The following PCDH15 variants were observed in gnomAD, a reference collection of about 807,000 sequenced individuals.
The protein encoded by PCDH15 is protocadherin-15.
Under a neutral mutation model 178.5 loss-of-function variants are expected in PCDH15, and 129 were observed. The observed-to-expected ratio is 0.72, with a 90% CI of 0.63 to 0.84. PCDH15 has a LOEUF of 0.84. PCDH15 is among the 40% of genes least tolerant of loss of function. PCDH15 has a pLI of 0.00. For missense variants in PCDH15, 2,230 were observed against 2,099.9 expected, an observed-to-expected ratio of 1.06 and a Z score of -1.21; for synonymous variants, 800 against 732.0, an observed-to-expected ratio of 1.09 and a Z score of -1.50.
intron 2 of PCDH15, among the ~76,000 whole-genome samples, chr10:55,056,457 T>G (rs1218942527): frequency 6.6e-6 from 1 of 152,016 alleles, no homozygotes; most frequent in African/African-American, 2.4e-5. Flanking sequence ...AAATTTTCAT[T>G]GAGTTACCAT....
chr10:54,203,383 C>T (rs187405172), intron 10 of PCDH15, among the ~76,000 whole-genome samples: 196 of 152,162 alleles, frequency 1.3e-3, no homozygotes, highest in Non-Finnish European at 2.0e-3. Context: ...TATGTGTGCA[C>T]GTATGCCTGT....
intron 2 of PCDH15, among the ~76,000 whole-genome samples, chr10:54,997,776 A>T (rs375479673): frequency 1.7e-4 from 26 of 152,184 alleles, no homozygotes; most frequent in African/African-American, 5.3e-4. Context: ...AGTTCTTATA[A>T]GTAATCTAGA....
chr10:55,005,203 C>T (rs1839896921), intron 2 of PCDH15, among the ~76,000 whole-genome samples: 1 of 39,888 alleles, frequency 2.5e-5, no homozygotes, highest in Non-Finnish European at 4.8e-5. Flanking sequence ...GAGACCCTGT[C>T]TCTAAATAAT....
intron 3 of PCDH15, among the ~76,000 whole-genome samples, chr10:54,444,010 G>A (rs754281486): frequency 2.6e-5 from 4 of 151,446 alleles, no homozygotes; most frequent in Non-Finnish European, 4.4e-5. Flanking sequence ...CTTCCTCCTT[G>A]AAATAATAGC....
intron 1 of PCDH15, among the ~76,000 whole-genome samples, chr10:55,214,465 G>A (rs1046250391): frequency 2.0e-5 from 3 of 150,296 alleles, no homozygotes; most frequent in African/African-American, 7.4e-5. Flanking sequence ...ATTTTTTTTT[G>A]TCCTGGTGGA....
chr10:54,622,585 TATATATA>T (rs1352042073), intron 2 of PCDH15, among the ~76,000 whole-genome samples: 5 of 91,634 alleles, frequency 5.5e-5, no homozygotes, highest in Non-Finnish European at 8.4e-5. Flanking sequence ...ATATATATAA[TATATATA>T]ATATATAATA....
intron 3 of PCDH15, among the ~76,000 whole-genome samples, chr10:54,506,763 C>T (rs921504324): frequency 1.3e-5 from 2 of 151,658 alleles, no homozygotes; most frequent in Non-Finnish European, 2.9e-5. Context: ...ATTAGTATTC[C>T]GCAGCTTTAC....
intron 2 of PCDH15, among the ~76,000 whole-genome samples, chr10:55,563,256 A>G (rs145980811): frequency 6.6e-6 from 1 of 151,900 alleles, no homozygotes; most frequent in African/African-American, 2.4e-5. Flanking sequence ...CTTCCAGGAG[A>G]TTTAAAAGGC....
At chr10:54,036,982 A>G (rs2093431440) in intron 18 of PCDH15, among the ~76,000 whole-genome samples, 1 of 151,902 alleles carries the variant, frequency 6.6e-6, no homozygotes, top group South Asian at 2.1e-4. Context: ...GAGGTTTAAG[A>G]CTTCAGTTGG....
chr10:53,912,168 T>C (rs942030371), intron 25 of PCDH15, among the ~76,000 whole-genome samples: 1 of 152,006 alleles, frequency 6.6e-6, no homozygotes, highest in African/African-American at 2.4e-5. Flanking sequence ...ACGTAATCCA[T>C]CACATAAAGA....
intron 2 of PCDH15, among the ~76,000 whole-genome samples, chr10:55,391,511 G>A (rs916400935): frequency 3.3e-5 from 5 of 151,948 alleles, no homozygotes; most frequent in African/African-American, 4.8e-5. Context: ...TGGGGGGATG[G>A]AGTCTTGCCC....
At chr10:54,412,167 A>G (rs1953629955) in intron 3 of PCDH15, among the ~76,000 whole-genome samples, 1 of 151,842 alleles carries the variant, frequency 6.6e-6, no homozygotes, top group South Asian at 2.1e-4. Context: ...AAACAAACTG[A>G]AAAACAAATG....
chr10:54,085,028 A>G (rs1366656774), intron 16 of PCDH15, among the ~76,000 whole-genome samples: 3 of 151,914 alleles, frequency 2.0e-5, no homozygotes, highest in Non-Finnish European at 2.9e-5. Context: ...CTAGGTATTG[A>G]CAGCAGTTTG....
At chr10:54,713,569 A>G (rs1173040831) in intron 1 of PCDH15, among the ~76,000 whole-genome samples, 15 of 152,110 alleles carry the variant, frequency 9.9e-5, no homozygotes, top group Admixed American at 1.3e-4. Context: ...AGATCATGGA[A>G]GATTTTAGAA....
chr10:54,482,870 G>C (rs1465021388), intron 3 of PCDH15, among the ~76,000 whole-genome samples: 1 of 151,828 alleles, frequency 6.6e-6, no homozygotes, highest in African/African-American at 2.4e-5. Flanking sequence ...AAGTGATCCA[G>C]AGAATAGAGC....
chr10:55,303,415 G>A (rs1049013424), intron 1 of PCDH15, among the ~76,000 whole-genome samples: 1 of 152,090 alleles, frequency 6.6e-6, no homozygotes, highest in Non-Finnish European at 1.5e-5. Context: ...CTGTATTTTA[G>A]GCATGCTCTT....
chr10:54,986,697 G>A (rs1030437423), intron 2 of PCDH15, among the ~76,000 whole-genome samples: 52 of 152,158 alleles, frequency 3.4e-4, no homozygotes, highest in African/African-American at 1.2e-3. Context: ...TTAAACTTCC[G>A]TGTTGTGTTC....
intron 3 of PCDH15, among the ~76,000 whole-genome samples, chr10:54,405,667 T>G (rs73251659): frequency 0.019 from 2,942 of 151,374 alleles, 99 homozygotes; most frequent in African/African-American, 0.065. Context: ...AACATGGACA[T>G]GTACTCCTGA....
At chr10:54,952,145 T>C (rs749955063) in intron 2 of PCDH15, among the ~76,000 whole-genome samples, 87 of 151,926 alleles carry the variant, frequency 5.7e-4, no homozygotes, top group Admixed American at 3.5e-3. Flanking sequence ...GTTATAGTTT[T>C]AAGTTTTACA....
Sources: gnomAD v4.1 joint callset for allele counts (sites outside exome capture counted in the v4.1 genomes callset) on GRCh38, gnomAD v4.1.1 for gene constraint, MANE v1.5 for transcripts, NCBI Gene and HGNC (gene_info 2026-07-23, HGNC 2026-07-21) for gene names.